ANKRD22: variants seen among roughly 807,000 people sequenced by gnomAD.
ANKRD22 encodes ankyrin repeat domain-containing protein 22.
A neutral mutation model predicts 25.7 loss-of-function variants in ANKRD22; 24 were observed. The observed-to-expected ratio is 0.93, with a 90% CI of 0.68 to 1.31. The LOEUF (loss-of-function observed/expected upper bound fraction) is 1.31. ANKRD22 is among the 50% of genes most tolerant of loss of function. The pLI is 0.00. For missense variants in ANKRD22, 214 were observed against 227.1 expected, an observed-to-expected ratio of 0.94 and a Z score of 0.37; for synonymous variants, 84 against 84.3, an observed-to-expected ratio of 1.00 and a Z score of 0.02.
At chr10:88,843,843 A>G (rs1354548011) in intron 1 of ANKRD22, among the ~76,000 whole-genome samples, 1 of 152,080 alleles carries the variant, frequency 6.6e-6, no homozygotes, top group Non-Finnish European at 1.5e-5. Context: ...CTACTATATT[A>G]TTTTCTACAA....
chr10:88,841,727 T>A (rs992087600), intron 1 of ANKRD22, among the ~76,000 whole-genome samples: 1 of 152,146 alleles, frequency 6.6e-6, no homozygotes, highest in African/African-American at 2.4e-5. Context: ...TAAATCCCTA[T>A]ATTAAAGAAA....
Position 88,828,523 on chromosome 10 carries a change from C to T in ANKRD22, c.321+36G>A, listed in dbSNP as rs770585468. 32 of 1,454,712 alleles carry T rather than the reference C, an allele frequency of 2.2e-5. No homozygotes were observed. In the South Asian group the frequency reaches 3.4e-4, roughly 15 times the overall value. 90.1% of individuals were successfully genotyped at this position (1,454,712 alleles called of 1,614,324 possible). ...GTCAATGAGTCACACCATCGATCTC[C>T]ACATTTGCCCTTTGCTCTACAAGTG... On this transcript the variant is annotated intron_variant, in intron 3 of 5. Transcript: ENST00000371930.
intron 5 of ANKRD22, 54 bp from the exon 6 acceptor site, chr10:88,823,072 C>A (rs994298664): frequency 1.3e-6 from 2 of 1,547,582 alleles, no homozygotes; most frequent in South Asian, 1.1e-5. Context: ...AGATCTCGTA[C>A]GTAGCTTAGA....
chr10:88,836,145 T>G (rs1446234496), intron 1 of ANKRD22, among the ~76,000 whole-genome samples: 1 of 152,180 alleles, frequency 6.6e-6, no homozygotes, highest in African/African-American at 2.4e-5. Context: ...CATATGCCGT[T>G]TTTACAACTT....
At chr10:88,850,845 G>A (rs1844097733) in intron 1 of ANKRD22, among the ~76,000 whole-genome samples, 1 of 151,902 alleles carries the variant, frequency 6.6e-6, no homozygotes, top group Non-Finnish European at 1.5e-5. Context: ...TATCCAAGAA[G>A]GTTCCCCTGA....
intron 4 of ANKRD22, among the ~76,000 whole-genome samples, chr10:88,825,011 T>TCTCACACACACA (rs1420247268): frequency 9.0e-6 from 1 of 111,420 alleles, no homozygotes; most frequent in Non-Finnish European, 2.0e-5. Flanking sequence ...TCTCTCTCTC[T>TCTCACACACACA]CACACACACA....
intron 1 of ANKRD22, among the ~76,000 whole-genome samples, chr10:88,845,835 A>C (rs1800024292): frequency 6.6e-6 from 1 of 152,050 alleles, no homozygotes; most frequent in Admixed American, 6.6e-5. Context: ...TAATGGTCAT[A>C]TTATTCCTCT....
At chr10:88,831,541 A>G (rs1280344946) in intron 2 of ANKRD22, among the ~76,000 whole-genome samples, 4 of 152,168 alleles carry the variant, frequency 2.6e-5, no homozygotes, top group South Asian at 4.1e-4. Context: ...AAAGAGGAGG[A>G]TGAAGAGAGG....
rs374940413 is a variant in ANKRD22, at chr10:88,838,118, T to C, written c.22-6092A>G. On this transcript the variant is annotated intron_variant, in intron 1 of 5. Coordinates refer to ENST00000371930, the MANE Select transcript of ANKRD22 (RefSeq NM_144590.3). ...ACTTTTGAGCATGATGGGGAAGATTTTGGACCATCGTAATTAAAACTGTCT... is the reference window on the plus strand; with the variant it reads ...ACTTTTGAGCATGATGGGGAAGATTCTGGACCATCGTAATTAAAACTGTCT... Among the ~76,000 whole-genome samples, 361 of 152,282 alleles carry C rather than the reference T, an allele frequency of 2.4e-3. 1 individual carries two copies. The highest frequency in any genetic ancestry group is 8.2e-3 in the African/African-American group (342 of 41,562).
At chr10:88,841,285 T>G (rs1216156791) in intron 1 of ANKRD22, among the ~76,000 whole-genome samples, 1 of 151,728 alleles carries the variant, frequency 6.6e-6, no homozygotes, top group Non-Finnish European at 1.5e-5. Context: ...CCCTACTACC[T>G]CAGACCACCA....
At chr10:88,826,005 ATTTT>A in intron 4 of ANKRD22, 29 bp downstream of exon 4, 1 of 1,553,350 alleles carries the variant, frequency 6.4e-7, no homozygotes, top group Non-Finnish European at 8.8e-7. Context: ...CATTTTGAAT[ATTTT>A]TTCAAAATGG....
intron 3 of ANKRD22, among the ~76,000 whole-genome samples, chr10:88,826,881 A>G (rs974049358): frequency 5.9e-5 from 9 of 152,214 alleles, no homozygotes; most frequent in Non-Finnish European, 1.0e-4. Context: ...AACTATGCCT[A>G]TTTTGTTCAT....
chr10:88,823,827 C>CAAAAAAAAAAAAAAAAAAAA lies in ANKRD22; in HGVS notation c.400-450_400-449insTTTTTTTTTTTTTTTTTTTT, dbSNP rs56194758. The stretch of plus-strand genomic sequence containing the variant: ...TGGGCGACAGAGCGAGACTCCGTCT[C>CAAAAAAAAAAAAAAAAAAAA]AAAAAAAAAAAAAAAAAAATTTCTT... On this transcript the variant is annotated intron_variant, in intron 4 of 5. Coordinates refer to ENST00000371930, the MANE Select transcript of ANKRD22 (RefSeq NM_144590.3). 2.9e-3 allele frequency among the ~76,000 whole-genome samples: 303 copies of CAAAAAAAAAAAAAAAAAAAA among 103,660 alleles called. 9 individuals carry two copies. The highest frequency in any genetic ancestry group is 0.012 in the African/African-American group (288 of 23,186). The allele number at this position is 103,660 out of a possible 152,430, so 68.0% of individuals were successfully genotyped here. A position where few individuals can be genotyped will look rare whatever the true frequency, so the allele number is the denominator to read the frequency against.
intron 3 of ANKRD22, among the ~76,000 whole-genome samples, chr10:88,827,440 A>G (rs1294252052): frequency 2.6e-5 from 4 of 152,216 alleles, no homozygotes; most frequent in African/African-American, 9.6e-5. Flanking sequence ...TAAATTCTGA[A>G]TGAGCCTTCT....
intron 1 of ANKRD22, among the ~76,000 whole-genome samples, chr10:88,840,099 A>G (rs1843990583): frequency 6.6e-6 from 1 of 152,186 alleles, no homozygotes; most frequent in African/African-American, 2.4e-5. Flanking sequence ...AAACTCTGGA[A>G]TAATGGAACA....
At chr10:88,833,671 TAACTC>T (rs552790572) in intron 1 of ANKRD22, among the ~76,000 whole-genome samples, 94 of 152,276 alleles carry the variant, frequency 6.2e-4, no homozygotes, top group African/African-American at 2.1e-3. Flanking sequence ...AACAGAAAAT[TAACTC>T]AGCAGCAATT....
At chr10:88,838,646 G>A (rs1843977397) in intron 1 of ANKRD22, among the ~76,000 whole-genome samples, 1 of 152,066 alleles carries the variant, frequency 6.6e-6, no homozygotes, top group African/African-American at 2.4e-5. Flanking sequence ...GATGACCCCG[G>A]GGGACAGAAA....
At chr10:88,826,837 C>T (rs1325303867) in intron 3 of ANKRD22, among the ~76,000 whole-genome samples, 2 of 152,174 alleles carry the variant, frequency 1.3e-5, no homozygotes, top group Non-Finnish European at 2.9e-5. Flanking sequence ...ATTAATGACT[C>T]TCCCCACCAC....
chr10:88,822,903 T>TTA lies in ANKRD22; in HGVS notation c.*37_*38insTA. 6.4e-7 allele frequency: 1 copy of TTA among 1,558,124 alleles called. No homozygotes were observed. Among genetic ancestry groups the TTA allele is most frequent in the Non-Finnish European group, 8.8e-7 (1 of 1,133,334 alleles). On this transcript the variant is annotated 3_prime_UTR_variant, in exon 6 of 6. Coordinates refer to ENST00000371930, the MANE Select transcript of ANKRD22 (RefSeq NM_144590.3). ...TAAAATGAAGATAGAATCCAGTCGTTAACTTTTTCTGTATCTCCATCGGTG... is the reference window on the plus strand; with the variant it reads ...TAAAATGAAGATAGAATCCAGTCGTTTAAACTTTTTCTGTATCTCCATCGGTG...
Sources: allele counts gnomAD v4.1 joint callset (sites outside exome capture counted in the v4.1 genomes callset), GRCh38; gene constraint gnomAD v4.1.1; transcripts MANE v1.5; gene names NCBI Gene and HGNC (gene_info 2026-07-23, HGNC 2026-07-21).